Variants in TTLL7 observed in about 807,000 individuals in gnomAD.
TTLL7 encodes the protein tubulin tyrosine ligase like 7.
A neutral mutation model predicts 120.2 loss-of-function variants in TTLL7; 53 were observed. That is an observed-to-expected ratio of 0.44 (90% CI 0.35 to 0.55). The LOEUF (loss-of-function observed/expected upper bound fraction) is 0.55. TTLL7 is among the 20% of genes least tolerant of loss of function. TTLL7 has a pLI of 0.00. For missense variants in TTLL7, 803 were observed against 1,054.7 expected (o/e 0.76, Z 3.31); for synonymous variants, 353 against 351.7 (o/e 1.00, Z -0.04).
intron 15 of TTLL7, among the ~76,000 whole-genome samples, chr1:83,907,931 G>A (rs1014301340): frequency 4.6e-5 from 7 of 152,032 alleles, no homozygotes; most frequent in Admixed American, 3.9e-4. Context: ...CTGAAAACAT[G>A]AGCTAAGAGA....
intron 20 of TTLL7, among the ~76,000 whole-genome samples, chr1:83,873,818 T>C (rs1322152470): frequency 6.6e-6 from 1 of 152,100 alleles, no homozygotes. Flanking sequence ...AAACATAAGC[T>C]ACACCCACCT....
chr1:83,992,473 T>C (rs1653091153), intron 1 of TTLL7, among the ~76,000 whole-genome samples: 2 of 151,916 alleles, frequency 1.3e-5, no homozygotes, highest in Non-Finnish European at 2.9e-5. Context: ...AATAAACCAA[T>C]AAAGGTTGTC....
At position 83,933,547 on chromosome 1, in the gene TTLL7, G is replaced by A; in HGVS notation, c.1047+61C>T. The A allele has an allele frequency of 5.2e-6, 8 of 1,525,346 alleles. No homozygotes were observed. The South Asian group carries it at 1.0e-4, about 19-fold the overall frequency. 94.5% of individuals were successfully genotyped at this position (1,525,346 alleles called of 1,614,324 possible). A position where few individuals can be genotyped will look rare whatever the true frequency, so the allele number is the denominator to read the frequency against. On this transcript the variant is annotated intron_variant, in intron 9 of 20. Transcript: ENST00000260505. ...ACTGTGTTAAGTACACATTTTTAAA[G>A]CATTTATTTTAATACGTAAGGACAG...
intron 10 of TTLL7, among the ~76,000 whole-genome samples, chr1:83,924,906 G>T (rs553382470): frequency 5.9e-5 from 9 of 152,100 alleles, no homozygotes; most frequent in Non-Finnish European, 1.2e-4. Context: ...GATGAGGTTG[G>T]AAAGAGATGT....
At chr1:83,982,624 C>T (rs1016539310) in intron 1 of TTLL7, among the ~76,000 whole-genome samples, 2 of 152,068 alleles carry the variant, frequency 1.3e-5, no homozygotes, top group Non-Finnish European at 2.9e-5. Context: ...ACAGGGAGAA[C>T]TATGAAACAC....
chr1:83,967,568 A>G (rs1650584692), intron 1 of TTLL7, among the ~76,000 whole-genome samples: 1 of 152,100 alleles, frequency 6.6e-6, no homozygotes, highest in African/African-American at 2.4e-5. Flanking sequence ...GCTAATTCCA[A>G]ATCCAGTTCT....
chr1:83,898,957 G>A (rs1467571697), intron 18 of TTLL7, among the ~76,000 whole-genome samples: 2 of 151,758 alleles, frequency 1.3e-5, no homozygotes. Context: ...TTGCTGGCTG[G>A]TTTGCACTGC....
intron 2 of TTLL7, 62 bp downstream of exon 2, chr1:83,952,125 A>T: frequency 5.8e-6 from 9 of 1,547,802 alleles, no homozygotes; most frequent in Non-Finnish European, 8.0e-6. Flanking sequence ...CTTTAAAAAT[A>T]TTAACAGTAA....
chr1:83,942,824 T>C (rs1279933689), intron 6 of TTLL7, 145 bp from the exon 7 acceptor site: 4 of 615,550 alleles, frequency 6.5e-6, no homozygotes, highest in Non-Finnish European at 1.1e-5. Flanking sequence ...GCAAAAGAAA[T>C]TATAGGAATC....
chr1:83,987,436 C>T (rs1652577511), intron 1 of TTLL7, among the ~76,000 whole-genome samples: 1 of 151,958 alleles, frequency 6.6e-6, no homozygotes, highest in Non-Finnish European at 1.5e-5. Context: ...GGTTAAGTTA[C>T]AACAACAAAA....
intron 20 of TTLL7, among the ~76,000 whole-genome samples, chr1:83,881,187 A>G (rs1654425468): frequency 1.3e-5 from 2 of 151,910 alleles, no homozygotes; most frequent in Admixed American, 1.3e-4. Context: ...ATGGGCAAGG[A>G]CTTCATGTCT....
intron 20 of TTLL7, among the ~76,000 whole-genome samples, chr1:83,877,402 G>C (rs1022602561): frequency 6.6e-5 from 10 of 151,988 alleles, no homozygotes; most frequent in Admixed American, 6.6e-4. Flanking sequence ...ACAAGTTGAA[G>C]AGTGTTCGCT....
At position 83,881,898 on chromosome 1, in the gene TTLL7, C is replaced by T. The variant is rs1654521137; in HGVS notation, c.2543+1065G>A. Among the ~76,000 whole-genome samples the T allele has an allele frequency of 4.0e-5, 6 of 150,268 alleles. No homozygotes were observed. In the South Asian group the frequency reaches 1.3e-3, roughly 32 times the overall value. On this transcript the variant is annotated intron_variant, in intron 20 of 20. Transcript: ENST00000260505. Reference sequence around the variant, plus strand: ...TGTGGCACATATACACCATGGAATACTATGCAGCCATAAAAAAGGATGAGT... The same window carrying T: ...TGTGGCACATATACACCATGGAATATTATGCAGCCATAAAAAAGGATGAGT...
chr1:83,904,673 G>C (rs1445955020), intron 17 of TTLL7, among the ~76,000 whole-genome samples: 1 of 152,002 alleles, frequency 6.6e-6, no homozygotes, highest in African/African-American at 2.4e-5. Context: ...AAAGTCAAAT[G>C]TCTTCAGGCA....
At chr1:83,949,643 T>C (rs1185041145) in intron 4 of TTLL7, 1 of 473,202 alleles carries the variant, frequency 2.1e-6, no homozygotes, top group Admixed American at 4.3e-5. Context: ...GTTTTTTCTA[T>C]TGATTCTTCC....
intron 1 of TTLL7, among the ~76,000 whole-genome samples, chr1:83,966,920 T>C (rs1650509866): frequency 1.3e-5 from 2 of 152,098 alleles, no homozygotes; most frequent in Non-Finnish European, 2.9e-5. Flanking sequence ...CAGAGAATGA[T>C]GTTGTGTGGA....
At chr1:83,917,409 A>T (rs1658282487) in intron 14 of TTLL7, among the ~76,000 whole-genome samples, 195 bp downstream of exon 14, 1 of 152,156 alleles carries the variant, frequency 6.6e-6, no homozygotes, top group African/African-American at 2.4e-5. Context: ...AAATAACCAA[A>T]ATGACGAATG....
At chr1:83,994,660 T>G (rs922547032) in intron 1 of TTLL7, among the ~76,000 whole-genome samples, 2 of 152,186 alleles carry the variant, frequency 1.3e-5, no homozygotes, top group Non-Finnish European at 2.9e-5. Context: ...CTCTGGCAAA[T>G]GTACAGGGGA....
intron 1 of TTLL7, among the ~76,000 whole-genome samples, chr1:83,992,183 T>TAG (rs1653064202): frequency 6.6e-6 from 1 of 152,132 alleles, no homozygotes; most frequent in Non-Finnish European, 1.5e-5. Context: ...TTTTTGCACA[T>TAG]ATATATATAC....
Sources: allele counts gnomAD v4.1 joint callset (sites outside exome capture counted in the v4.1 genomes callset), GRCh38; gene constraint gnomAD v4.1.1; transcripts MANE v1.5; gene names NCBI Gene and HGNC (gene_info 2026-07-23, HGNC 2026-07-21).